The following FBXO32 variants were observed in gnomAD, a reference collection of about 807,000 sequenced individuals.
FBXO32 encodes F-box protein 32, also known as F-box only protein 32.
In FBXO32, 15 loss-of-function variants were observed where a neutral mutation model predicts 48.3. The observed-to-expected ratio is 0.31, with a 90% CI of 0.21 to 0.48. The LOEUF is 0.48. Among genes scored for constraint, FBXO32 ranks in the 20% least tolerant of loss-of-function variants. FBXO32 has a pLI of 0.99. For synonymous variants in FBXO32, 154 were observed against 165.9 expected, an observed-to-expected ratio of 0.93 and a Z score of 0.55; for missense variants, 309 against 432.7, an observed-to-expected ratio of 0.71 and a Z score of 2.54.
intron 2 of FBXO32, among the ~76,000 whole-genome samples, chr8:123,533,938 C>T (rs563182547): frequency 1.3e-5 from 2 of 151,970 alleles, no homozygotes; most frequent in African/African-American, 4.8e-5. Flanking sequence ...ACTAAAAACA[C>T]AAAAATTAGC....
At chr8:123,532,071 C>G in intron 3 of FBXO32, 81 bp from the exon 4 acceptor site, 28 of 1,581,356 alleles carry the variant, frequency 1.8e-5, no homozygotes, top group Non-Finnish European at 2.3e-5. Flanking sequence ...TTAGAACAAC[C>G]CAACTGGATT....
intron 1 of FBXO32, among the ~76,000 whole-genome samples, chr8:123,535,179 G>T (rs1817286480): frequency 6.6e-6 from 1 of 151,916 alleles, no homozygotes; most frequent in South Asian, 2.1e-4. Flanking sequence ...GGTGATTACT[G>T]GTATCGCTGT....
chr8:123,512,371 T>A (rs770905312), intron 6 of FBXO32, among the ~76,000 whole-genome samples: 19 of 152,234 alleles, frequency 1.2e-4, no homozygotes, highest in Non-Finnish European at 2.8e-4. Flanking sequence ...TACCTTCTCC[T>A]GATATGAGGC....
chr8:123,528,056 G>C (rs1212635086), intron 4 of FBXO32, among the ~76,000 whole-genome samples: 1 of 152,194 alleles, frequency 6.6e-6, no homozygotes, highest in East Asian at 1.9e-4. Flanking sequence ...GAGCTGGTCT[G>C]TAAACTTGAA....
intron 4 of FBXO32, among the ~76,000 whole-genome samples, chr8:123,517,405 T>C (rs1218816251): frequency 1.2e-4 from 19 of 152,164 alleles, no homozygotes; most frequent in Non-Finnish European, 1.0e-4. Context: ...AGCAAAAATT[T>C]GTCAACTGAC....
chr8:123,508,816 A>G (rs1439112214), intron 6 of FBXO32, among the ~76,000 whole-genome samples: 1 of 152,228 alleles, frequency 6.6e-6, no homozygotes, highest in Non-Finnish European at 1.5e-5. Context: ...ATTAAAGGCA[A>G]GTCCACTTGG....
At chr8:123,534,655 A>G (rs1231012243) in intron 2 of FBXO32, 47 bp downstream of exon 2, 2 of 1,264,930 alleles carry the variant, frequency 1.6e-6, no homozygotes, top group African/African-American at 3.0e-5. Flanking sequence ...ACCAATCATA[A>G]CTATCTTCAA....
intron 4 of FBXO32, among the ~76,000 whole-genome samples, chr8:123,528,311 C>T (rs371745047): frequency 6.6e-6 from 1 of 152,214 alleles, no homozygotes; most frequent in African/African-American, 2.4e-5. Flanking sequence ...TCACTCGATC[C>T]TCTGACCTCT....
At chr8:123,528,863 C>G (rs559169187) in intron 4 of FBXO32, among the ~76,000 whole-genome samples, 12 of 152,018 alleles carry the variant, frequency 7.9e-5, no homozygotes, top group Admixed American at 6.6e-4. Context: ...CCCAAATGGC[C>G]CTTAAAATCA....
In FBXO32 at chr8:123,503,307, A is replaced by T; in HGVS notation, c.*66T>A. 3.0e-6 allele frequency: 4 copies of T among 1,324,570 alleles called. No homozygotes were observed. The highest frequency in any genetic ancestry group is 4.3e-6 in the Non-Finnish European group (4 of 920,806). The allele number at this position is 1,324,570 out of a possible 1,614,324, so 82.1% of individuals were successfully genotyped here. A position where few individuals can be genotyped will look rare whatever the true frequency, so the allele number is the denominator to read the frequency against. ...ACACTATTTACAAATGAAGTGTCCA[A>T]ATGCCATATTCCCAGCTCTCCAGTC... is the stretch of plus-strand genomic sequence containing the variant. On this transcript the variant is annotated 3_prime_UTR_variant, in exon 9 of 9. Coordinates refer to ENST00000517956, the MANE Select transcript of FBXO32 (RefSeq NM_058229.4).
intron 4 of FBXO32, among the ~76,000 whole-genome samples, chr8:123,529,884 A>T (rs1045176441): frequency 6.6e-6 from 1 of 152,224 alleles, no homozygotes; most frequent in African/African-American, 2.4e-5. Context: ...ACCATCTAAA[A>T]ACTGACCATT....
chr8:123,516,265 C>T (rs1374061491), intron 4 of FBXO32, among the ~76,000 whole-genome samples: 1 of 152,180 alleles, frequency 6.6e-6, no homozygotes, highest in Non-Finnish European at 1.5e-5. Context: ...ACCCACCAGG[C>T]CCCCAGAGAA....
At chr8:123,515,322 G>A (rs550503656) in intron 4 of FBXO32, among the ~76,000 whole-genome samples, 32 of 152,060 alleles carry the variant, frequency 2.1e-4, no homozygotes, top group South Asian at 6.2e-4. Context: ...TGCAACCTCC[G>A]CCTCCCAGGT....
Position 123,513,667 on chromosome 8 carries a change from T to C in FBXO32, c.467-285A>G, listed in dbSNP as rs752346536. On this transcript the variant is annotated intron_variant, in intron 5 of 8. Coordinates refer to ENST00000517956, the MANE Select transcript of FBXO32 (RefSeq NM_058229.4). The surrounding 1 kb of genome is among the most constrained non-coding windows in gnomAD (Gnocchi z 4.3). Reference sequence around the variant, plus strand: ...GTTCTCCCAGCAGCCATGGTTCACCTGATCAGAAAGCCACTCCTTTTGCCC... The same window carrying C: ...GTTCTCCCAGCAGCCATGGTTCACCCGATCAGAAAGCCACTCCTTTTGCCC... Among the ~76,000 whole-genome samples the C allele has an allele frequency of 2.0e-5, 3 of 152,194 alleles. No homozygotes were observed. The highest frequency in any genetic ancestry group is 4.4e-5 in the Non-Finnish European group (3 of 68,038).
rs988661920 is a variant in FBXO32 at position 123,506,247 on chromosome 8, A to G, written c.834+145T>C. ...CTGTCTCAAAAAACAAAATCACAAAACTCCTTCAACTGTCATTTTTCAGTC... is the reference window on the plus strand; with the variant it reads ...CTGTCTCAAAAAACAAAATCACAAAGCTCCTTCAACTGTCATTTTTCAGTC... On this transcript the variant is annotated intron_variant, in intron 7 of 8. Transcript: ENST00000517956. The surrounding 1 kb of genome is among the most constrained non-coding windows in gnomAD (Gnocchi z 4.0). 5.6e-6 allele frequency: 5 copies of G among 892,228 alleles called. No homozygotes were observed. In the Admixed American group the frequency reaches 1.1e-4, roughly 19 times the overall value. The allele number at this position is 892,228 out of a possible 1,614,324, so 55.3% of individuals were successfully genotyped here.
At chr8:123,527,607 C>T (rs1817112648) in intron 4 of FBXO32, among the ~76,000 whole-genome samples, 2 of 152,192 alleles carry the variant, frequency 1.3e-5, no homozygotes, top group African/African-American at 4.8e-5. Context: ...CTGTCCCCAA[C>T]TGTATCTGGC....
chr8:123,518,760 T>A (rs755465431), intron 4 of FBXO32, among the ~76,000 whole-genome samples: 1 of 152,174 alleles, frequency 6.6e-6, no homozygotes, highest in Non-Finnish European at 1.5e-5. Context: ...CCTAAAGCCA[T>A]ACCAGCAGTA....
rs1256677461 is a variant in FBXO32 at position 123,506,472 on chromosome 8, C to G, written c.754G>C (p.Ala252Pro). The G allele has an allele frequency of 6.2e-7, 1 of 1,614,114 alleles. No individual in the cohort carries two copies. Among genetic ancestry groups the G allele is most frequent in the South Asian group, 1.1e-5 (1 of 91,068 alleles). Residue 252 changes from alanine to proline, a missense_variant, in exon 7 of 9, where the codon GCT (alanine) becomes CCT (proline). Ala to Pro is a conservative substitution (Grantham distance 27, BLOSUM62 -1). Coordinates refer to ENST00000517956, the MANE Select transcript of FBXO32 (RefSeq NM_058229.4). This position sits in a 1 kb window ranked among gnomAD's most constrained non-coding sequence, Gnocchi z 4.0. ...DGRDLVSLGQ[A>P]APDLHVLSED... ...CTGAGCACGTGCAGGTCGGGGGCAG[C>G]CTGGCCCAGGCTGACCAGGTCCCGC...
intron 6 of FBXO32, among the ~76,000 whole-genome samples, chr8:123,510,747 A>G (rs983462928): frequency 1.3e-5 from 2 of 152,252 alleles, no homozygotes; most frequent in Non-Finnish European, 2.9e-5. Context: ...CCATTCATTC[A>G]TTCAGCTCAG....
Sources: allele counts gnomAD v4.1 joint callset (sites outside exome capture counted in the v4.1 genomes callset), GRCh38; gene constraint gnomAD v4.1.1; non-coding constraint Gnocchi (gnomAD v3.1); transcripts MANE v1.5; gene names NCBI Gene and HGNC (gene_info 2026-07-23, HGNC 2026-07-21).